The following PCDH15 variants were observed in gnomAD, a reference collection of about 807,000 sequenced individuals.
The protein encoded by PCDH15 is protocadherin related 15.
A neutral mutation model predicts 178.5 loss-of-function variants in PCDH15; 129 were observed. The observed-to-expected ratio is 0.72, with a 90% CI of 0.63 to 0.84. The LOEUF (loss-of-function observed/expected upper bound fraction) is 0.84. Ranked by LOEUF, PCDH15 falls within the 40% of genes least tolerant of loss-of-function variation. The pLI is 0.00. For missense variants in PCDH15, 2,230 were observed against 2,099.9 expected (o/e 1.06, Z -1.21); for synonymous variants, 800 against 732.0 (o/e 1.09, Z -1.50).
intron 2 of PCDH15, among the ~76,000 whole-genome samples, chr10:55,408,990 ACT>A (rs1200986005): frequency 6.6e-6 from 1 of 151,572 alleles, no homozygotes; most frequent in Non-Finnish European, 1.5e-5. Context: ...TTCACTTGAC[ACT>A]CTGTCTTTTT....
intron 2 of PCDH15, among the ~76,000 whole-genome samples, chr10:55,001,270 T>G (rs1839788385): frequency 6.6e-6 from 1 of 152,184 alleles, no homozygotes; most frequent in Non-Finnish European, 1.5e-5. Context: ...CTTCCAGTTG[T>G]CTGCATGCCT....
intron 13 of PCDH15, among the ~76,000 whole-genome samples, chr10:54,174,514 G>C (rs1483151353): frequency 6.6e-6 from 1 of 151,330 alleles, no homozygotes; most frequent in African/African-American, 2.4e-5. Context: ...CAACCTGGGC[G>C]ACAGAGCAAA....
At chr10:54,382,367 C>G (rs529209866) in intron 3 of PCDH15, among the ~76,000 whole-genome samples, 1 of 152,224 alleles carries the variant, frequency 6.6e-6, no homozygotes, top group African/African-American at 2.4e-5. Context: ...AATATAGACT[C>G]TATTTGTACA....
At chr10:55,227,177 A>G (rs575747857) in intron 1 of PCDH15, among the ~76,000 whole-genome samples, 1 of 152,210 alleles carries the variant, frequency 6.6e-6, no homozygotes, top group South Asian at 2.1e-4. Context: ...AAAATTCCAG[A>G]GAGATGAAAG....
rs192384688 is a variant in PCDH15, at chr10:54,814,330, T to C, written c.-29+83120A>G. Among the ~76,000 whole-genome samples, 867 of 152,286 alleles carry C rather than the reference T, an allele frequency of 5.7e-3. 5 individuals are homozygous for C. Among genetic ancestry groups the C allele is most frequent in the Non-Finnish European group, 9.4e-3 (638 of 68,010 alleles). On this transcript the variant is annotated intron_variant, in intron 3 of 5. Transcript: ENST00000458638. ...ATACATACATGTTTATTTAAATTCATTTTAAAAAGTTTCATTTGTTAAGAA... is the reference window on the plus strand; with the variant it reads ...ATACATACATGTTTATTTAAATTCACTTTAAAAAGTTTCATTTGTTAAGAA...
At chr10:55,452,462 T>C (rs1839457358) in intron 2 of PCDH15, among the ~76,000 whole-genome samples, 1 of 152,142 alleles carries the variant, frequency 6.6e-6, no homozygotes, top group Non-Finnish European at 1.5e-5. Context: ...TATGTTCCAA[T>C]TTTGTTACAG....
At chr10:55,400,738 A>T in intron 2 of PCDH15, among the ~76,000 whole-genome samples, 1 of 152,076 alleles carries the variant, frequency 6.6e-6, no homozygotes, top group East Asian at 1.9e-4. Context: ...TTTTTGTTAG[A>T]AACTTTGCAG....
Position 53,884,028 on chromosome 10 carries a change from AAAACAAAAC to A in PCDH15, c.3502-17180_3502-17172del, listed in dbSNP as rs564379810. Among the ~76,000 whole-genome samples, 542 of 151,326 alleles carry A rather than the reference AAAACAAAAC, an allele frequency of 3.6e-3. 5 individuals are homozygous for A. The highest frequency in any genetic ancestry group is 0.01 in the Middle Eastern group (3 of 294). ...ACTGTGCCTGGCCTGTTTTTGTAAA[AAAACAAAAC>A]AAAACAAAACAAAACAAACTGGTTT... On this transcript the variant is annotated intron_variant, in intron 26 of 37. Transcript: ENST00000644397.
intron 2 of PCDH15, among the ~76,000 whole-genome samples, chr10:55,540,553 G>C (rs534796444): frequency 6.6e-6 from 1 of 152,038 alleles, no homozygotes; most frequent in South Asian, 2.1e-4. Flanking sequence ...AGGAGGCTGG[G>C]GACAGAATGA....
chr10:55,081,014 C>T (rs868660071), intron 2 of PCDH15, among the ~76,000 whole-genome samples: 2 of 152,076 alleles, frequency 1.3e-5, no homozygotes, highest in African/African-American at 2.4e-5. Flanking sequence ...TTTTCATAGC[C>T]CCAGACAAGG....
chr10:55,184,544 G>A (rs1167283495), intron 1 of PCDH15, among the ~76,000 whole-genome samples: 2 of 151,908 alleles, frequency 1.3e-5, no homozygotes, highest in Non-Finnish European at 2.9e-5. Flanking sequence ...TGTACACAAT[G>A]TCTGTTGACA....
chr10:55,373,040 G>C (rs1845544293), intron 2 of PCDH15, among the ~76,000 whole-genome samples: 1 of 151,746 alleles, frequency 6.6e-6, no homozygotes, highest in African/African-American at 2.4e-5. Context: ...AATTAAAAAT[G>C]ACTGACCTGA....
At chr10:54,947,965 A>G (rs1439801856) in intron 2 of PCDH15, among the ~76,000 whole-genome samples, 2 of 151,884 alleles carry the variant, frequency 1.3e-5, no homozygotes, top group African/African-American at 4.8e-5. Flanking sequence ...TTTCCTAGGA[A>G]TTCTTACTAA....
chr10:54,442,372 G>C (rs2075840962), intron 3 of PCDH15, among the ~76,000 whole-genome samples: 2 of 83,220 alleles, frequency 2.4e-5, no homozygotes, highest in South Asian at 3.1e-4. Context: ...CTTTTGGAGG[G>C]ACAGTCTCCT....
chr10:54,569,763 G>C (rs2089537654), intron 2 of PCDH15, among the ~76,000 whole-genome samples: 2 of 152,090 alleles, frequency 1.3e-5, no homozygotes, highest in South Asian at 4.2e-4. Context: ...GCTTGAAAAA[G>C]GGAATGAGTT....
intron 2 of PCDH15, among the ~76,000 whole-genome samples, chr10:55,588,801 G>A (rs1459761682): frequency 6.6e-6 from 1 of 152,072 alleles, no homozygotes; most frequent in Non-Finnish European, 1.5e-5. Flanking sequence ...AAAGGAATAG[G>A]CAAGGCAAGG....
intron 2 of PCDH15, among the ~76,000 whole-genome samples, chr10:54,992,471 G>A (rs1036067790): frequency 6.6e-5 from 10 of 152,140 alleles, no homozygotes; most frequent in Non-Finnish European, 1.2e-4. Context: ...GGGTGAAGTT[G>A]ATCGGGCGCA....
intron 2 of PCDH15, among the ~76,000 whole-genome samples, chr10:54,965,144 C>CTT (rs1217308313): frequency 6.6e-6 from 1 of 152,114 alleles, no homozygotes; most frequent in East Asian, 1.9e-4. Context: ...GAAGTTACTG[C>CTT]TTTTTGAACA....
chr10:54,184,072 G>A (rs2048258762), intron 12 of PCDH15, among the ~76,000 whole-genome samples: 1 of 151,990 alleles, frequency 6.6e-6, no homozygotes, highest in South Asian at 2.1e-4. Flanking sequence ...AGGACTAAGT[G>A]GTATCATTTA....
Sources: gnomAD v4.1 joint callset for allele counts (sites outside exome capture counted in the v4.1 genomes callset) on GRCh38, gnomAD v4.1.1 for gene constraint, MANE v1.5 for transcripts, NCBI Gene and HGNC (gene_info 2026-07-23, HGNC 2026-07-21) for gene names.